The following DNM3 variants were observed in gnomAD, a reference collection of about 807,000 sequenced individuals.
DNM3 encodes dynamin-3.
DNM3 carries 47 observed loss-of-function variants against 101.6 expected under a neutral mutation model. The observed-to-expected ratio is 0.46, with a 90% confidence interval of 0.37 to 0.59. The LOEUF is 0.59. Among genes scored for constraint, DNM3 ranks in the 20% least tolerant of loss-of-function variants. The pLI, the probability that DNM3 is intolerant of heterozygous loss-of-function variation, is 0.00. For synonymous variants in DNM3, 385 were observed against 387.9 expected, an observed-to-expected ratio of 0.99 and a Z score of 0.09; for missense variants, 849 against 1,085.7, an observed-to-expected ratio of 0.78 and a Z score of 3.06.
chr1:172,168,648 C>T (rs2058839985), intron 14 of DNM3, among the ~76,000 whole-genome samples: 2 of 151,928 alleles, frequency 1.3e-5, no homozygotes. Context: ...CCTGTTCTAG[C>T]TTTCTTTGCC....
intron 14 of DNM3, among the ~76,000 whole-genome samples, chr1:172,146,312 G>A (rs186699212): frequency 5.3e-5 from 8 of 152,204 alleles, no homozygotes; most frequent in Admixed American, 3.9e-4. Flanking sequence ...GCACACTACT[G>A]AAGAGTTCAA....
intron 1 of DNM3, among the ~76,000 whole-genome samples, chr1:171,914,657 C>A (rs777493450): frequency 6.6e-6 from 1 of 152,114 alleles, no homozygotes; most frequent in Non-Finnish European, 1.5e-5. Context: ...ATGACCCCAG[C>A]AAATTACTGG....
At chr1:171,918,732 T>C (rs1166569206) in intron 1 of DNM3, among the ~76,000 whole-genome samples, 1 of 152,194 alleles carries the variant, frequency 6.6e-6, no homozygotes, top group Non-Finnish European at 1.5e-5. Flanking sequence ...TTATTACTCT[T>C]AATGCAAAGT....
At chr1:172,105,359 TAA>T (rs1177636737) in intron 13 of DNM3, among the ~76,000 whole-genome samples, 1 of 152,208 alleles carries the variant, frequency 6.6e-6, no homozygotes, top group Non-Finnish European at 1.5e-5. Context: ...TTAGAAAAGT[TAA>T]ATAGTTTACC....
At chr1:172,388,940 CAG>C (rs964219590) in intron 20 of DNM3, 131 bp downstream of exon 20, 5 of 793,596 alleles carry the variant, frequency 6.3e-6, no homozygotes, top group Admixed American at 5.7e-5. Flanking sequence ...TCACAATGAA[CAG>C]AGACTATAGG....
intron 10 of DNM3, among the ~76,000 whole-genome samples, chr1:172,068,172 A>G (rs1183720823): frequency 2.6e-5 from 4 of 152,166 alleles, no homozygotes; most frequent in East Asian, 1.9e-4. Flanking sequence ...TACTAAAAAT[A>G]CAAAAATTAG....
intron 17 of DNM3, among the ~76,000 whole-genome samples, chr1:172,331,656 T>A (rs2066190944): frequency 6.6e-6 from 1 of 152,170 alleles, no homozygotes; most frequent in Non-Finnish European, 1.5e-5. Flanking sequence ...TGTAGTATAT[T>A]TAAGCACAAA....
intron 1 of DNM3, among the ~76,000 whole-genome samples, chr1:171,842,169 C>G (rs1427551388): frequency 1.3e-5 from 2 of 152,260 alleles, no homozygotes; most frequent in Admixed American, 1.3e-4. Context: ...CGGGCAGCCT[C>G]CCTGCGTAGC....
intron 13 of DNM3, among the ~76,000 whole-genome samples, 161 bp downstream of exon 13, chr1:172,093,036 A>G (rs1417042352): frequency 3.3e-5 from 5 of 152,130 alleles, no homozygotes; most frequent in African/African-American, 1.2e-4. Context: ...TTTGGAGTGA[A>G]TTGCATTTCT....
chr1:172,017,687 T>G (rs906325734), intron 4 of DNM3, among the ~76,000 whole-genome samples: 3 of 152,220 alleles, frequency 2.0e-5, no homozygotes, highest in Non-Finnish European at 2.9e-5. Flanking sequence ...TTGGATGTAG[T>G]AGCCTATAAA....
chr1:172,344,563 C>T (rs867524222), intron 17 of DNM3, among the ~76,000 whole-genome samples: 13 of 152,152 alleles, frequency 8.5e-5, no homozygotes, highest in African/African-American at 3.1e-4. Flanking sequence ...CCCTTCCCAC[C>T]CACTTTCCCA....
intron 4 of DNM3, among the ~76,000 whole-genome samples, chr1:172,008,286 T>A (rs2046834842): frequency 1.3e-5 from 2 of 152,090 alleles, no homozygotes; most frequent in Admixed American, 6.6e-5. Context: ...TAGATCAATG[T>A]CACGAAGAGT....
intron 13 of DNM3, among the ~76,000 whole-genome samples, chr1:172,099,053 A>G (rs1293505091): frequency 6.6e-6 from 1 of 152,164 alleles, no homozygotes; most frequent in Non-Finnish European, 1.5e-5. Flanking sequence ...AAATGAATTG[A>G]TATTCTGAGC....
intron 15 of DNM3, among the ~76,000 whole-genome samples, chr1:172,290,536 A>G (rs2063867547): frequency 6.6e-6 from 1 of 152,180 alleles, no homozygotes; most frequent in African/African-American, 2.4e-5. Flanking sequence ...ATGAGGGGGC[A>G]AGAAGTCCAG....
At position 172,318,350 on chromosome 1, in the gene DNM3, C is replaced by T. The variant is rs1267365291; in HGVS notation, c.1882-4979C>T. On this transcript the variant is annotated intron_variant, in intron 16 of 20. Coordinates refer to ENST00000627582, the MANE Select transcript of DNM3 (RefSeq NM_015569.5). ...ACAAGACAGGGATGCCCTCTCTCACCACTCCTATTCAACATAGTGTTGGAA... is the reference window on the plus strand; with the variant it reads ...ACAAGACAGGGATGCCCTCTCTCACTACTCCTATTCAACATAGTGTTGGAA... Among the ~76,000 whole-genome samples, 4 of 152,154 alleles carry T rather than the reference C, an allele frequency of 2.6e-5. No individual in the cohort carries two copies. In the East Asian group the frequency reaches 7.7e-4, roughly 29 times the overall value.
In DNM3 at chr1:171,934,521, T is replaced by C. The variant is rs988795187; in HGVS notation, c.235+12700T>C. ...TCTCTTTTACTTTCTTCTATTAGCTTTTGCAATTCTTAAAAGCCCAGGGAT... is the reference window on the plus strand; with the variant it reads ...TCTCTTTTACTTTCTTCTATTAGCTCTTGCAATTCTTAAAAGCCCAGGGAT... On this transcript the variant is annotated intron_variant, in intron 2 of 20. Coordinates refer to ENST00000627582, the MANE Select transcript of DNM3 (RefSeq NM_015569.5). Among the ~76,000 whole-genome samples the C allele has an allele frequency of 2.0e-5, 3 of 152,212 alleles. No homozygotes were observed. The East Asian group carries it at 5.8e-4, about 29-fold the overall frequency.
At chr1:171,956,485 T>C (rs572075342) in intron 2 of DNM3, among the ~76,000 whole-genome samples, 1 of 152,306 alleles carries the variant, frequency 6.6e-6, no homozygotes, top group Non-Finnish European at 1.5e-5. Flanking sequence ...TGGCCTTGGG[T>C]AGCTCTGCCC....
intron 14 of DNM3, among the ~76,000 whole-genome samples, chr1:172,156,105 G>A (rs1482494179): frequency 1.3e-5 from 2 of 152,028 alleles, no homozygotes; most frequent in African/African-American, 4.8e-5. Context: ...ATTAATCTGT[G>A]GAAGCTTTCA....
In DNM3 at chr1:172,251,297, ATGTTCTTTT is replaced by A. The variant is rs2062159784; in HGVS notation, c.1660-2275_1660-2267del. On this transcript the variant is annotated intron_variant, in intron 14 of 20. Transcript: ENST00000627582. ...TTATTTTAGCTATTTTAGATTCATG[ATGTTCTTTT>A]AGCAGAACATCATTCTTTCCCCAAA... 4.7e-5 allele frequency among the ~76,000 whole-genome samples: 7 copies of A among 150,456 alleles called. No individual in the cohort carries two copies. In the South Asian group the frequency reaches 1.1e-3, roughly 23 times the overall value.
Sources: gnomAD v4.1 joint callset for allele counts (sites outside exome capture counted in the v4.1 genomes callset) on GRCh38, gnomAD v4.1.1 for gene constraint, MANE v1.5 for transcripts, NCBI Gene and HGNC (gene_info 2026-07-23, HGNC 2026-07-21) for gene names.